DROSHA: variants seen among roughly 807,000 people sequenced by gnomAD.
DROSHA encodes drosha ribonuclease III, also known as ribonuclease 3.
DROSHA carries 56 observed loss-of-function variants against 181.9 expected under a neutral mutation model. The observed-to-expected ratio is 0.31, with a 90% CI of 0.25 to 0.38. DROSHA has a LOEUF of 0.38. Ranked by LOEUF, DROSHA falls within the 10% of genes least tolerant of loss-of-function variation. The probability of loss-of-function intolerance (pLI) is 1.00; values close to 1 mark genes in which losing one functional copy is unlikely to be tolerated. For synonymous variants in DROSHA, 524 were observed against 591.2 expected, an observed-to-expected ratio of 0.89 and a Z score of 1.65; for missense variants, 1,218 against 1,743.5, an observed-to-expected ratio of 0.70 and a Z score of 5.37.
rs940318371 is a variant in DROSHA at position 31,503,187 on chromosome 5, G to A, written c.1668+1368C>T. 2.0e-5 allele frequency among the ~76,000 whole-genome samples: 3 copies of A among 152,166 alleles called. No individual in the cohort carries two copies. The South Asian group carries it at 6.2e-4, about 32-fold the overall frequency. On this transcript the variant is annotated intron_variant, in intron 11 of 35. Coordinates refer to ENST00000344624, the MANE Select transcript of DROSHA (RefSeq NM_001382508.1). Reference sequence around the variant, plus strand: ...CCTTAGCCACCCCAGAGCAACAGGAGGGGCACATGAATGAAGTGACCACAG... The same window carrying A: ...CCTTAGCCACCCCAGAGCAACAGGAAGGGCACATGAATGAAGTGACCACAG...
intron 34 of DROSHA, 72 bp downstream of exon 34, chr5:31,406,781 G>A: frequency 7.3e-7 from 1 of 1,367,492 alleles, no homozygotes; most frequent in Non-Finnish European, 1.0e-6. Context: ...GACTGAGTTT[G>A]GAGATAGCAG....
chr5:31,438,113 C>A (rs1745114008), intron 23 of DROSHA, among the ~76,000 whole-genome samples: 1 of 152,156 alleles, frequency 6.6e-6, no homozygotes, highest in South Asian at 2.1e-4. Flanking sequence ...TGTTCACATA[C>A]AAGGCTGAAA....
At chr5:31,420,700 C>A (rs1008502371) in intron 30 of DROSHA, among the ~76,000 whole-genome samples, 1 of 151,296 alleles carries the variant, frequency 6.6e-6, no homozygotes, top group Non-Finnish European at 1.5e-5. Flanking sequence ...TTCTTCCCAC[C>A]AAATCCCAAT....
At chr5:31,414,133 T>C (rs531974768) in intron 30 of DROSHA, among the ~76,000 whole-genome samples, 1 of 151,948 alleles carries the variant, frequency 6.6e-6, no homozygotes, top group Admixed American at 6.6e-5. Flanking sequence ...GGCTGGCAGG[T>C]GATGTGAAGA....
chr5:31,472,195 G>A lies in DROSHA; in HGVS notation c.2109C>T (p.Leu703=). 1.2e-6 allele frequency: 2 copies of A among 1,613,388 alleles called. No individual in the cohort carries two copies. The highest frequency in any genetic ancestry group is 2.2e-5 in the South Asian group (2 of 90,944). Residue 703 remains leucine (L), a synonymous_variant, in exon 17 of 36, where the codon CTC becomes CTT. Coordinates refer to ENST00000344624, the MANE Select transcript of DROSHA (RefSeq NM_001382508.1). ...GKEVLSMHQI[L]LYLLRCSKAL... is the part of the protein sequence containing the mutation. ...CTTTGCTGCACCTTAACAAGTACAG[G>A]AGAATCTGGTGCATGGACAGCACTT... is the stretch of plus-strand genomic sequence containing the variant.
At chr5:31,499,710 T>G (rs1336794018) in intron 11 of DROSHA, among the ~76,000 whole-genome samples, 18 of 152,206 alleles carry the variant, frequency 1.2e-4, no homozygotes, top group Admixed American at 1.2e-3. Flanking sequence ...TCAGACTGCT[T>G]GTTCCCCACT....
intron 4 of DROSHA, 82 bp from the exon 5 acceptor site, chr5:31,526,994 C>A (rs1187153512): frequency 1.5e-6 from 2 of 1,312,328 alleles, no homozygotes; most frequent in African/African-American, 3.0e-5. Context: ...AAATGCCTGA[C>A]CATCTTGATG....
intron 19 of DROSHA, among the ~76,000 whole-genome samples, chr5:31,465,034 T>G (rs901291827): frequency 5.9e-5 from 9 of 152,260 alleles, no homozygotes; most frequent in Middle Eastern, 3.4e-3. Context: ...AATGGCGTAT[T>G]TCAGAAGTTC....
At chr5:31,510,294 A>T (rs1325435570) in intron 9 of DROSHA, among the ~76,000 whole-genome samples, 1 of 152,166 alleles carries the variant, frequency 6.6e-6, no homozygotes, top group African/African-American at 2.4e-5. Context: ...CTGTGGCCCA[A>T]GGTCACATAT....
chr5:31,497,884 C>G (rs1186455160), intron 11 of DROSHA, among the ~76,000 whole-genome samples: 1 of 152,194 alleles, frequency 6.6e-6, no homozygotes, highest in Non-Finnish European at 1.5e-5. Flanking sequence ...TCTGCTTATT[C>G]TCTTACAAGA....
chr5:31,426,914 G>T (rs892999702), intron 27 of DROSHA, among the ~76,000 whole-genome samples: 1 of 152,044 alleles, frequency 6.6e-6, no homozygotes, highest in Non-Finnish European at 1.5e-5. Flanking sequence ...AAAGCAGTAG[G>T]GTAGCAATTC....
chr5:31,467,486 C>T (rs1432793156), intron 18 of DROSHA: 1 of 152,068 alleles, frequency 6.6e-6, no homozygotes, highest in East Asian at 1.9e-4. Context: ...GAAGTCACGG[C>T]TCCTACTTCC....
chr5:31,512,926 C>T (rs906179664), intron 8 of DROSHA, among the ~76,000 whole-genome samples: 3 of 152,218 alleles, frequency 2.0e-5, no homozygotes, highest in Non-Finnish European at 4.4e-5. Context: ...CAGATTTTCT[C>T]CAGAGCCTCC....
intron 4 of DROSHA, chr5:31,527,354 CCT>C (rs1477584635): frequency 1.2e-5 from 2 of 171,938 alleles, no homozygotes; most frequent in African/African-American, 4.8e-5. Flanking sequence ...TCCACCTCTC[CCT>C]GATACCAGAC....
Position 31,486,036 on chromosome 5 carries a change from T to C in DROSHA, c.1914+455A>G, listed in dbSNP as rs181019987. 2.6e-4 allele frequency among the ~76,000 whole-genome samples: 39 copies of C among 152,346 alleles called. 1 individual carries two copies. Among genetic ancestry groups the C allele is most frequent in the Admixed American group, 2.2e-3 (33 of 15,306 alleles). On this transcript the variant is annotated intron_variant, in intron 14 of 35. Coordinates refer to ENST00000344624, the MANE Select transcript of DROSHA (RefSeq NM_001382508.1). ...CTTGCATATATTGAGATAAATCTGC[T>C]GTTGAGCACTCGCAATGAAAAACAA...
At position 31,435,878 on chromosome 5, in the gene DROSHA, A is replaced by G; in HGVS notation, c.2943-14T>C. The G allele has an allele frequency of 6.2e-7, 1 of 1,607,132 alleles. No homozygotes were observed. The highest frequency in any genetic ancestry group is 8.5e-7 in the Non-Finnish European group (1 of 1,177,224). On this transcript the variant is annotated splice_polypyrimidine_tract_variant and intron_variant, in intron 24 of 35. Transcript: ENST00000344624. Reference sequence around the variant, plus strand: ...TACAAATGGACGCTACAAAAAAAAAAAGAAGTACATGAATAAATATGCATC... The same window carrying G: ...TACAAATGGACGCTACAAAAAAAAAGAGAAGTACATGAATAAATATGCATC...
intron 23 of DROSHA, among the ~76,000 whole-genome samples, chr5:31,446,884 A>C (rs542432273): frequency 5.3e-5 from 8 of 152,096 alleles, no homozygotes; most frequent in Non-Finnish European, 8.8e-5. Flanking sequence ...TACCAAAAAT[A>C]TAAAAATTAG....
In DROSHA at chr5:31,498,168, C is replaced by T. The variant is rs1290797910; in HGVS notation, c.1669-2796G>A. On this transcript the variant is annotated intron_variant, in intron 11 of 35. Coordinates refer to ENST00000344624, the MANE Select transcript of DROSHA (RefSeq NM_001382508.1). The stretch of plus-strand genomic sequence containing the variant: ...TCCAGGCTAGGTTGTAGACTGCTGA[C>T]ACAGGCTGACACGGACAACACTGCT... Among the ~76,000 whole-genome samples the T allele has an allele frequency of 3.3e-4, 50 of 152,212 alleles. 2 individuals are homozygous for T.
Position 31,472,542 on chromosome 5 carries a change from A to G in DROSHA, c.2072-310T>C, listed in dbSNP as rs181271124. Among the ~76,000 whole-genome samples the G allele has an allele frequency of 1.2e-4, 18 of 152,376 alleles. No individual in the cohort carries two copies. In the South Asian group the frequency reaches 1.7e-3, roughly 14 times the overall value. ...TATCTAAATAAATTTAAAGCCACCT[A>G]GCATAAATAACCATAGTTTATAATA... On this transcript the variant is annotated intron_variant, in intron 16 of 35. Coordinates refer to ENST00000344624, the MANE Select transcript of DROSHA (RefSeq NM_001382508.1).
Sources: gnomAD v4.1 joint callset for allele counts (sites outside exome capture counted in the v4.1 genomes callset) on GRCh38, gnomAD v4.1.1 for gene constraint, MANE v1.5 for transcripts, NCBI Gene and HGNC (gene_info 2026-07-23, HGNC 2026-07-21) for gene names.